Variants in ZFYVE28 observed in about 807,000 individuals in gnomAD.
ZFYVE28 encodes the protein lateral signaling target protein 2 homolog.
Under a neutral mutation model 82.1 loss-of-function variants are expected in ZFYVE28, and 40 were observed. The observed-to-expected ratio is 0.49, with a 90% confidence interval of 0.38 to 0.63. The LOEUF (loss-of-function observed/expected upper bound fraction) is 0.63, where lower values mean the gene tolerates loss of function less well. Ranked by LOEUF, ZFYVE28 falls within the 30% of genes least tolerant of loss-of-function variation. ZFYVE28 has a pLI of 0.00. For missense variants in ZFYVE28, 1,321 were observed against 1,242.1 expected (o/e 1.06, Z -0.96); for synonymous variants, 612 against 546.1 (o/e 1.12, Z -1.68).
intron 8 of ZFYVE28, among the ~76,000 whole-genome samples, chr4:2,280,227 G>A (rs1463318280): frequency 6.6e-6 from 1 of 152,188 alleles, no homozygotes; most frequent in Non-Finnish European, 1.5e-5. Context: ...AATTAGAGGC[G>A]AGGTGTAGTG....
In ZFYVE28 at chr4:2,304,565, C is replaced by T; in HGVS notation, c.1775G>A (p.Gly592Asp). 1 of 1,612,716 alleles carries T rather than the reference C, an allele frequency of 6.2e-7. No homozygotes were observed. Among genetic ancestry groups the T allele is most frequent in the South Asian group, 1.1e-5 (1 of 91,076 alleles). Residue 592 changes from glycine (G) to aspartate (D), a missense_variant, in exon 8 of 13, where the codon GGT (glycine) becomes GAT (aspartate). Gly to Asp is a moderately conservative substitution (Grantham distance 94). This residue lies in a region of ZFYVE28 where 978 missense variants were observed against 833.7 expected (regional missense o/e 1.17). Transcript: ENST00000290974. ...REKCSPGGVI[G>D]ASYAAGLAKA... Reference sequence around the variant, plus strand: ...GGCTAAGCCGGCAGCGTACGAGGCACCAATGACGCCTCCCGGGCTGCACTT... The same window carrying T: ...GGCTAAGCCGGCAGCGTACGAGGCATCAATGACGCCTCCCGGGCTGCACTT...
chr4:2,291,036 C>T (rs560014635), intron 8 of ZFYVE28, among the ~76,000 whole-genome samples: 19 of 152,368 alleles, frequency 1.2e-4, no homozygotes, highest in Middle Eastern at 3.4e-3. Flanking sequence ...AGTGCCTGCA[C>T]GTGTGCTCCT....
Position 2,305,025 on chromosome 4 carries a change from C to G in ZFYVE28, c.1315G>C (p.Gly439Arg). Residue 439 changes from glycine (G) to arginine (R), a missense_variant, in exon 8 of 13, where the codon GGT (glycine) becomes CGT (arginine). By Grantham distance (125) the Gly-to-Arg change is moderately radical (BLOSUM62 -2). Coordinates refer to ENST00000290974, the MANE Select transcript of ZFYVE28 (RefSeq NM_020972.3). ...TWADPQEKGQ[G>R]GPGGAAGISL... is the part of the protein sequence containing the mutation. ...ATCCCCGCCGCTCCGCCTGGCCCAC[C>G]CTGCCCTTTCTCCTGGGGGTCGGCC... 6.2e-7 allele frequency: 1 copy of G among 1,612,776 alleles called. No homozygotes were observed. Among genetic ancestry groups the G allele is most frequent in the African/African-American group, 1.3e-5 (1 of 75,066 alleles).
chr4:2,322,012 GGACCCAA>G (rs1719152749), intron 6 of ZFYVE28, among the ~76,000 whole-genome samples: 2 of 152,172 alleles, frequency 1.3e-5, no homozygotes. Context: ...GAGCCTGCGG[GGACCCAA>G]GACCCCCTGG....
chr4:2,379,817 T>C (rs901749403), intron 1 of ZFYVE28, among the ~76,000 whole-genome samples: 1 of 152,164 alleles, frequency 6.6e-6, no homozygotes, highest in Non-Finnish European at 1.5e-5. Context: ...AGACAGAGTC[T>C]TTCTCTGTCA....
chr4:2,391,743 T>TA (rs1729859996), intron 1 of ZFYVE28, among the ~76,000 whole-genome samples: 1 of 149,846 alleles, frequency 6.7e-6, no homozygotes, highest in South Asian at 2.1e-4. Flanking sequence ...TCTCTCTCTT[T>TA]TTTTTTTTTT....
chr4:2,401,573 G>C (rs759930488), intron 1 of ZFYVE28, among the ~76,000 whole-genome samples: 1 of 152,078 alleles, frequency 6.6e-6, no homozygotes, highest in Non-Finnish European at 1.5e-5. Flanking sequence ...CTGGCTCTGT[G>C]AGTTCTGAGC....
chr4:2,270,888 G>T, intron 12 of ZFYVE28, 32 bp from the exon 13 acceptor site: 1 of 1,607,656 alleles, frequency 6.2e-7, no homozygotes, highest in Non-Finnish European at 8.5e-7. Context: ...GAGGGTCTGC[G>T]GCAGACCAGC....
At chr4:2,273,949 C>T in intron 9 of ZFYVE28, 113 bp downstream of exon 9, 1 of 1,250,520 alleles carries the variant, frequency 8.0e-7, no homozygotes, top group Non-Finnish European at 1.1e-6. Flanking sequence ...GCAGAGTGGG[C>T]TGCTGTTTAC....
chr4:2,366,597 T>C (rs990723720), intron 1 of ZFYVE28, among the ~76,000 whole-genome samples: 2 of 151,988 alleles, frequency 1.3e-5, no homozygotes, highest in African/African-American at 4.8e-5. Flanking sequence ...CTCAGTGGAG[T>C]GTTCAGTGGC....
intron 1 of ZFYVE28, among the ~76,000 whole-genome samples, chr4:2,388,027 C>T (rs187420864): frequency 4.6e-5 from 7 of 152,348 alleles, no homozygotes; most frequent in South Asian, 2.1e-4. Flanking sequence ...GGTCCTGTGA[C>T]GGGCGGCTGG....
chr4:2,357,678 G>A (rs981469748), intron 1 of ZFYVE28, among the ~76,000 whole-genome samples: 4 of 152,186 alleles, frequency 2.6e-5, no homozygotes, highest in African/African-American at 9.7e-5. Flanking sequence ...CTCCACGTGT[G>A]TCCCGCAGCC....
At chr4:2,399,082 GAA>G (rs1560338861) in intron 1 of ZFYVE28, among the ~76,000 whole-genome samples, 13,962 of 133,026 alleles carry the variant, frequency 0.1, 1,648 homozygotes, top group African/African-American at 0.19. Context: ...GCACAAGCGT[GAA>G]GGTGAGATCC....
Position 2,418,307 on chromosome 4 carries a change from C to A in ZFYVE28, c.17G>T (p.Arg6Leu), listed in dbSNP as rs1192226805. MMNRF[R>L]KWLYKPKRSD... is the part of the protein sequence containing the mutation. ...CACCTTGGGTTTGTAGAGCCACTTT[C>A]GGAACCTGTTCATCATCGCCGCGCC... The change falls in exon 1 of 13, where the codon CGA (arginine) becomes CTA (leucine). Residue 6 changes from arginine to leucine, a missense_variant. Physicochemically the swap from Arg to Leu is moderately radical, Grantham distance 102 (BLOSUM62 -2). Around this residue, in one of 2 missense-constraint regions of ZFYVE28, gnomAD observed 343 missense variants for 408.4 expected, o/e 0.84. Transcript: ENST00000290974. This position sits in a 1 kb window ranked among gnomAD's most constrained non-coding sequence, Gnocchi z 4.6. 6.5e-7 allele frequency: 1 copy of A among 1,533,502 alleles called. No individual in the cohort carries two copies. The highest frequency in any genetic ancestry group is 2.6e-5 in the East Asian group (1 of 38,326). The allele number at this position is 1,533,502 out of a possible 1,614,324, so 95.0% of individuals were successfully genotyped here.
intron 1 of ZFYVE28, among the ~76,000 whole-genome samples, chr4:2,405,516 C>T (rs1731784368): frequency 6.6e-6 from 1 of 152,266 alleles, no homozygotes; most frequent in Non-Finnish European, 1.5e-5. Flanking sequence ...CCCGCTCCCA[C>T]TGCAGGCAGC....
At chr4:2,353,048 C>T (rs1183178676) in intron 2 of ZFYVE28, among the ~76,000 whole-genome samples, 1 of 152,222 alleles carries the variant, frequency 6.6e-6, no homozygotes, top group Admixed American at 6.5e-5. Context: ...CTGGAGGGGC[C>T]AGAACATCTG....
rs535828892 is a variant in ZFYVE28, at chr4:2,339,429, G to T, written c.521+24C>A. On this transcript the variant is annotated intron_variant, in intron 4 of 12. Coordinates refer to ENST00000290974, the MANE Select transcript of ZFYVE28 (RefSeq NM_020972.3). The surrounding 1 kb of genome is among the most constrained non-coding windows in gnomAD (Gnocchi z 5.0). ...CCGTCCCCCAGCTCATACAGCCAGG[G>T]CTGTGGACCCACAGCTGCAGTACCT... The T allele has an allele frequency of 1.2e-6, 2 of 1,610,324 alleles. No individual in the cohort carries two copies. Among genetic ancestry groups the T allele is most frequent in the East Asian group, 2.2e-5 (1 of 44,788 alleles).
At position 2,394,465 on chromosome 4, in the gene ZFYVE28, C is replaced by T. The variant is rs938761006; in HGVS notation, c.39+23820G>A. Among the ~76,000 whole-genome samples the T allele has an allele frequency of 1.3e-5, 2 of 152,206 alleles. No individual in the cohort carries two copies. The highest frequency in any genetic ancestry group is 2.4e-5 in the African/African-American group (1 of 41,456). ...GCTGACTGGCAAAGGGGCTCTCTCA[C>T]CATGGACTTGAGTTACAGTTCCTGG... is the stretch of plus-strand genomic sequence containing the variant. On this transcript the variant is annotated intron_variant, in intron 1 of 12. Transcript: ENST00000290974. This position sits in a 1 kb window ranked among gnomAD's most constrained non-coding sequence, Gnocchi z 4.0.
At chr4:2,289,666 G>A (rs564822899) in intron 8 of ZFYVE28, among the ~76,000 whole-genome samples, 8 of 152,350 alleles carry the variant, frequency 5.3e-5, no homozygotes, top group Admixed American at 5.2e-4. Flanking sequence ...GTGAGCCACA[G>A]CACCTGGCCT....
Sources: allele counts gnomAD v4.1 joint callset (sites outside exome capture counted in the v4.1 genomes callset), GRCh38; gene constraint gnomAD v4.1.1; regional missense constraint gnomAD v4.1.1; non-coding constraint Gnocchi (gnomAD v3.1); transcripts MANE v1.5; gene names NCBI Gene and HGNC (gene_info 2026-07-23, HGNC 2026-07-21).